Variants in ANTXR2 observed in about 807,000 individuals in gnomAD.
ANTXR2 encodes ANTXR cell adhesion molecule 2.
Under a neutral mutation model 73.7 loss-of-function variants are expected in ANTXR2, and 44 were observed. The observed-to-expected ratio is 0.60, with a 90% CI of 0.47 to 0.77. ANTXR2 has a LOEUF of 0.77. Ranked by LOEUF, ANTXR2 falls within the 30% of genes least tolerant of loss-of-function variation. The probability of loss-of-function intolerance (pLI) is 0.00; values close to 1 mark genes in which losing one functional copy is unlikely to be tolerated. For missense variants in ANTXR2, 604 were observed against 592.5 expected (o/e 1.02, Z -0.20); for synonymous variants, 217 against 205.9 (o/e 1.05, Z -0.46).
chr4:80,036,184 G>C (rs1413700718), intron 7 of ANTXR2, among the ~76,000 whole-genome samples, 152 bp from the exon 8 acceptor site: 2 of 151,998 alleles, frequency 1.3e-5, no homozygotes, highest in African/African-American at 2.4e-5. Flanking sequence ...CAGCTACCAA[G>C]TTCTTAGGAA....
chr4:80,034,709 C>A (rs1732875389), intron 8 of ANTXR2, among the ~76,000 whole-genome samples: 1 of 152,050 alleles, frequency 6.6e-6, no homozygotes, highest in South Asian at 2.1e-4. Context: ...ACTTACGAGG[C>A]CTAAGTGTTT....
chr4:80,046,694 A>G (rs1163391500), intron 7 of ANTXR2, among the ~76,000 whole-genome samples: 2 of 151,772 alleles, frequency 1.3e-5, no homozygotes, highest in African/African-American at 4.8e-5. Context: ...TGCAACAATA[A>G]TAGAAAAAAT....
At chr4:79,929,166 C>G (rs1256854881) in intron 16 of ANTXR2, among the ~76,000 whole-genome samples, 1 of 152,098 alleles carries the variant, frequency 6.6e-6, no homozygotes, top group Non-Finnish European at 1.5e-5. Context: ...ATGACCACTA[C>G]TGGGCTCACA....
intron 12 of ANTXR2, among the ~76,000 whole-genome samples, chr4:79,997,620 A>C (rs968461321): frequency 1.3e-5 from 2 of 152,032 alleles, no homozygotes; most frequent in Non-Finnish European, 2.9e-5. Flanking sequence ...ATATGATTCA[A>C]GTTATCTCAT....
chr4:79,977,867 G>T, intron 15 of ANTXR2, 140 bp downstream of exon 15: 2 of 1,210,054 alleles, frequency 1.7e-6, no homozygotes, highest in Non-Finnish European at 2.3e-6. Flanking sequence ...TGCCAAGAAA[G>T]TATTCAGCTG....
At chr4:80,013,093 A>C (rs999437360) in intron 11 of ANTXR2, among the ~76,000 whole-genome samples, 1 of 152,196 alleles carries the variant, frequency 6.6e-6, no homozygotes, top group Non-Finnish European at 1.5e-5. Flanking sequence ...TCCAAGAGAA[A>C]AAAAAGGACA....
intron 3 of ANTXR2, among the ~76,000 whole-genome samples, chr4:80,068,997 G>A (rs1246739305): frequency 1.3e-5 from 2 of 152,110 alleles, no homozygotes; most frequent in Non-Finnish European, 2.9e-5. Flanking sequence ...AATATATTCA[G>A]CATTAATGGA....
chr4:80,055,315 C>T (rs1426726995), intron 5 of ANTXR2, 45 bp downstream of exon 5: 8 of 1,566,226 alleles, frequency 5.1e-6, no homozygotes, highest in Admixed American at 1.7e-5. Context: ...AGACACACAG[C>T]GATGTACAGT....
chr4:79,995,795 T>C (rs1007700985), intron 12 of ANTXR2, among the ~76,000 whole-genome samples: 1 of 151,980 alleles, frequency 6.6e-6, no homozygotes, highest in African/African-American at 2.4e-5. Context: ...TCCTGACAAG[T>C]ATATTTTCTA....
intron 7 of ANTXR2, among the ~76,000 whole-genome samples, chr4:80,050,784 A>G (rs777655864): frequency 6.6e-6 from 1 of 151,480 alleles, no homozygotes; most frequent in Non-Finnish European, 1.5e-5. Context: ...CTTATAACAC[A>G]TCATCATCTT....
chr4:79,932,777 A>G (rs1487863642), intron 16 of ANTXR2, among the ~76,000 whole-genome samples: 2 of 136,988 alleles, frequency 1.5e-5, no homozygotes, highest in African/African-American at 5.5e-5. Flanking sequence ...GGGCAACAAG[A>G]GCAAAACTCC....
At chr4:80,052,027 A>G (rs994845798) in intron 7 of ANTXR2, among the ~76,000 whole-genome samples, 5 of 151,642 alleles carry the variant, frequency 3.3e-5, no homozygotes, top group Non-Finnish European at 5.9e-5. Context: ...ATGAGGCCAG[A>G]TTTATTTAAA....
At chr4:80,047,372 T>C (rs1404812397) in intron 7 of ANTXR2, among the ~76,000 whole-genome samples, 2 of 151,802 alleles carry the variant, frequency 1.3e-5, no homozygotes. Flanking sequence ...GGTGTCTTCT[T>C]AGAATATATG....
intron 12 of ANTXR2, among the ~76,000 whole-genome samples, chr4:79,989,315 G>A (rs1359254775): frequency 1.3e-5 from 2 of 151,736 alleles, no homozygotes; most frequent in Non-Finnish European, 2.9e-5. Context: ...GGACATTAGA[G>A]ATCCCAAAGA....
chr4:80,065,155 A>G (rs577270081), intron 3 of ANTXR2, among the ~76,000 whole-genome samples: 6 of 152,244 alleles, frequency 3.9e-5, no homozygotes, highest in Non-Finnish European at 7.3e-5. Flanking sequence ...AATGTTTTCA[A>G]CTAAATCTCT....
chr4:80,050,017 C>G (rs1041986123), intron 7 of ANTXR2, among the ~76,000 whole-genome samples: 4 of 151,672 alleles, frequency 2.6e-5, no homozygotes, highest in African/African-American at 9.7e-5. Context: ...TGATCCTTGA[C>G]CTAGTTCCAT....
At chr4:79,919,526 A>G (rs1338195974) in intron 16 of ANTXR2, among the ~76,000 whole-genome samples, 1 of 152,054 alleles carries the variant, frequency 6.6e-6, no homozygotes, top group Non-Finnish European at 1.5e-5. Context: ...AGCTACCAGC[A>G]TGGTCAGAGG....
At chr4:80,014,707 C>G (rs573958857) in intron 11 of ANTXR2, among the ~76,000 whole-genome samples, 3 of 152,286 alleles carry the variant, frequency 2.0e-5, no homozygotes, top group East Asian at 3.9e-4. Flanking sequence ...GCCCTGGGAG[C>G]CATTCCTTTG....
chr4:79,949,735 G>T (rs1728635987), intron 16 of ANTXR2, among the ~76,000 whole-genome samples: 1 of 152,072 alleles, frequency 6.6e-6, no homozygotes, highest in Non-Finnish European at 1.5e-5. Flanking sequence ...AATAAGAAAA[G>T]GAATGCAAAA....
Sources: gnomAD v4.1 joint callset for allele counts (sites outside exome capture counted in the v4.1 genomes callset) on GRCh38, gnomAD v4.1.1 for gene constraint, MANE v1.5 for transcripts, NCBI Gene and HGNC (gene_info 2026-07-23, HGNC 2026-07-21) for gene names.